RHOA: variants seen among roughly 807,000 people sequenced by gnomAD.
RHOA encodes ras homolog family member A, also known as transforming protein RhoA.
A neutral mutation model predicts 17.5 loss-of-function variants in RHOA; 3 were observed. The ratio of observed to expected loss-of-function variants is 0.17; its 90% CI spans 0.08 to 0.44. The LOEUF (loss-of-function observed/expected upper bound fraction) is 0.44. Ranked by LOEUF, RHOA falls within the 20% of genes least tolerant of loss-of-function variation. The pLI, the probability that RHOA is intolerant of heterozygous loss-of-function variation, is 0.99. For missense variants in RHOA, 56 were observed against 242.3 expected, an observed-to-expected ratio of 0.23 and a Z score of 5.10; for synonymous variants, 98 against 88.4, an observed-to-expected ratio of 1.11 and a Z score of -0.61.
intron 2 of RHOA, among the ~76,000 whole-genome samples, chr3:49,370,810 C>G (rs940845406): frequency 6.6e-6 from 1 of 152,146 alleles, no homozygotes; most frequent in African/African-American, 2.4e-5. Context: ...CTTTGAGGCC[C>G]AAGAGGTCTC....
At chr3:49,379,430 A>T (rs1011699173) in intron 1 of RHOA, among the ~76,000 whole-genome samples, 1 of 152,170 alleles carries the variant, frequency 6.6e-6, no homozygotes, top group Non-Finnish European at 1.5e-5. Context: ...TCTCAGGTAA[A>T]AAGATTTTTC....
intron 3 of RHOA, among the ~76,000 whole-genome samples, chr3:49,363,917 C>T (rs1198004821): frequency 6.6e-6 from 1 of 152,062 alleles, no homozygotes; most frequent in Non-Finnish European, 1.5e-5. Context: ...TACAGTGGTA[C>T]ATGTGCCTGC....
chr3:49,391,104 G>T (rs2048495252), intron 1 of RHOA, among the ~76,000 whole-genome samples: 1 of 151,824 alleles, frequency 6.6e-6, no homozygotes, highest in African/African-American at 2.4e-5. Context: ...TGTAGTCCCA[G>T]CTACTTGGGA....
In RHOA at chr3:49,359,557, T is replaced by C. The variant is rs1209134533; in HGVS notation, c.*652A>G. The C allele has an allele frequency of 9.8e-6, 2 of 204,158 alleles. No individual in the cohort carries two copies. The highest frequency in any genetic ancestry group is 1.2e-4 in the Admixed American group (2 of 16,730). The allele number at this position is 204,158 out of a possible 1,614,324, so 12.6% of individuals were successfully genotyped here. ...TCTTTTTTAAAAAACCAATACACTT[T>C]CTTTGAGGATGACAGTATTAGGAAA... On this transcript the variant is annotated 3_prime_UTR_variant, in exon 5 of 5. Coordinates refer to ENST00000418115, the MANE Select transcript of RHOA (RefSeq NM_001664.4).
chr3:49,404,057 T>C (rs1015563354), intron 1 of RHOA, among the ~76,000 whole-genome samples: 1 of 151,954 alleles, frequency 6.6e-6, no homozygotes, highest in Admixed American at 6.6e-5. Flanking sequence ...TGCAGCACTT[T>C]GGGAGTCTGA....
chr3:49,369,006 C>CTT (rs1160140765), intron 2 of RHOA, among the ~76,000 whole-genome samples: 708 of 59,626 alleles, frequency 0.012, 42 homozygotes, highest in African/African-American at 0.031. Context: ...CGCGCCTGGC[C>CTT]TTTTTTTTTT....
intron 1 of RHOA, among the ~76,000 whole-genome samples, chr3:49,409,346 G>C (rs1413429490): frequency 7.2e-5 from 11 of 151,984 alleles, no homozygotes; most frequent in Admixed American, 5.9e-4. Context: ...AGTGAGCTGA[G>C]ATCGCGCCAC....
intron 1 of RHOA, among the ~76,000 whole-genome samples, chr3:49,387,372 A>C (rs2107871336): frequency 6.6e-6 from 1 of 150,544 alleles, no homozygotes; most frequent in East Asian, 2.0e-4. Context: ...TGAACCTGAG[A>C]AGCAGAGGTT....
At chr3:49,377,936 G>T (rs1472973445) in intron 1 of RHOA, among the ~76,000 whole-genome samples, 3 of 151,778 alleles carry the variant, frequency 2.0e-5, no homozygotes, top group Non-Finnish European at 4.4e-5. Context: ...AACACTTGAG[G>T]TCAGGAGTTC....
chr3:49,363,642 A>C (rs771467332), intron 3 of RHOA, among the ~76,000 whole-genome samples: 5 of 152,026 alleles, frequency 3.3e-5, no homozygotes, highest in Non-Finnish European at 7.4e-5. Context: ...ACCAGAGGTC[A>C]GGAGTTCGAG....
At chr3:49,364,931 T>C (rs982758249) in intron 3 of RHOA, among the ~76,000 whole-genome samples, 4 of 151,742 alleles carry the variant, frequency 2.6e-5, no homozygotes, top group Non-Finnish European at 5.9e-5. Flanking sequence ...GATCGCACCA[T>C]TGCACTCCAG....
At chr3:49,409,351 C>T (rs545050280) in intron 1 of RHOA, among the ~76,000 whole-genome samples, 3 of 151,906 alleles carry the variant, frequency 2.0e-5, no homozygotes, top group Non-Finnish European at 4.4e-5. Flanking sequence ...GCTGAGATCG[C>T]GCCACTGCAC....
intron 1 of RHOA, among the ~76,000 whole-genome samples, chr3:49,394,739 T>A (rs2048584251): frequency 1.3e-5 from 2 of 152,088 alleles, no homozygotes; most frequent in Admixed American, 6.6e-5. Context: ...AACAGCACAA[T>A]GTAATTAAGT....
intron 1 of RHOA, among the ~76,000 whole-genome samples, chr3:49,402,381 T>A (rs2048740011): frequency 6.6e-6 from 1 of 152,136 alleles, no homozygotes. Flanking sequence ...TTTTACCAAG[T>A]ATATATATTT....
At chr3:49,367,715 G>T (rs2048082352) in intron 3 of RHOA, among the ~76,000 whole-genome samples, 2 of 151,768 alleles carry the variant, frequency 1.3e-5, no homozygotes, top group South Asian at 2.1e-4. Context: ...GAGACAAGGG[G>T]TTCACCATGT....
At chr3:49,386,797 G>A (rs1267822984) in intron 1 of RHOA, among the ~76,000 whole-genome samples, 1 of 152,034 alleles carries the variant, frequency 6.6e-6, no homozygotes, top group Non-Finnish European at 1.5e-5. Flanking sequence ...TCTATATTCA[G>A]TATGACCGTA....
At chr3:49,376,417 G>A (rs1030818918) in intron 1 of RHOA, among the ~76,000 whole-genome samples, 1 of 151,328 alleles carries the variant, frequency 6.6e-6, no homozygotes, top group Non-Finnish European at 1.5e-5. Flanking sequence ...GCCGAGGCGG[G>A]TGGATCACGA....
At chr3:49,375,734 G>T in intron 1 of RHOA, 143 bp from the exon 2 acceptor site, 1 of 740,520 alleles carries the variant, frequency 1.4e-6, no homozygotes, top group Non-Finnish European at 2.1e-6. Context: ...GATCCACCTG[G>T]CACCAAAAGG....
intron 1 of RHOA, among the ~76,000 whole-genome samples, chr3:49,379,207 G>A (rs1222993985): frequency 2.6e-5 from 4 of 152,040 alleles, no homozygotes; most frequent in Non-Finnish European, 1.5e-5. Flanking sequence ...AGCGATAAAG[G>A]ATAAAGTACT....
Sources: gnomAD v4.1 joint callset for allele counts (sites outside exome capture counted in the v4.1 genomes callset) on GRCh38, gnomAD v4.1.1 for gene constraint, MANE v1.5 for transcripts, NCBI Gene and HGNC (gene_info 2026-07-23, HGNC 2026-07-21) for gene names.